The following SEC62 variants were observed in gnomAD, a reference collection of about 807,000 sequenced individuals.
SEC62 encodes the protein SEC62 preprotein translocation factor.
Under a neutral mutation model 47.5 loss-of-function variants are expected in SEC62, and 10 were observed. That is an observed-to-expected ratio of 0.21 (90% confidence interval 0.13 to 0.36). SEC62 has a LOEUF of 0.36. Among genes scored for constraint, SEC62 ranks in the 10% least tolerant of loss-of-function variants. SEC62 has a pLI of 1.00. For missense variants in SEC62, 327 were observed against 464.1 expected, an observed-to-expected ratio of 0.70 and a Z score of 2.71; for synonymous variants, 136 against 150.5, an observed-to-expected ratio of 0.90 and a Z score of 0.71.
intron 1 of SEC62, 38 bp downstream of exon 1, chr3:169,966,896 G>A: frequency 1.3e-6 from 2 of 1,548,912 alleles, no homozygotes; most frequent in Non-Finnish European, 1.7e-6. Context: ...GCTTCGGCGC[G>A]CTGGATAGTG....
At chr3:169,970,916 G>GT (rs1354759123) in intron 1 of SEC62, among the ~76,000 whole-genome samples, 2 of 152,088 alleles carry the variant, frequency 1.3e-5, no homozygotes, top group Non-Finnish European at 2.9e-5. Context: ...AGAGGGGGAG[G>GT]TACTGTAGTC....
chr3:169,985,746 C>T, intron 5 of SEC62, 59 bp from the exon 6 acceptor site: 2 of 1,337,674 alleles, frequency 1.5e-6, no homozygotes, highest in Non-Finnish European at 2.1e-6. Context: ...TAGAATTAAG[C>T]ATTACTTTCT....
chr3:169,969,117 CAACT>C (rs1377708989), intron 1 of SEC62, among the ~76,000 whole-genome samples: 3 of 151,970 alleles, frequency 2.0e-5, no homozygotes, highest in Admixed American at 6.6e-5. Flanking sequence ...TCTGTAATAC[CAACT>C]GAGTTTCTGT....
intron 3 of SEC62, among the ~76,000 whole-genome samples, chr3:169,980,744 G>A (rs1259084248): frequency 6.6e-6 from 1 of 152,132 alleles, no homozygotes; most frequent in African/African-American, 2.4e-5. Context: ...TACTAATAAT[G>A]TTGCTTCGTA....
At chr3:169,986,514 T>C (rs554244637) in intron 6 of SEC62, among the ~76,000 whole-genome samples, 2 of 152,208 alleles carry the variant, frequency 1.3e-5, no homozygotes, top group African/African-American at 2.4e-5. Flanking sequence ...CAAACGTACA[T>C]GTGCAAGGAT....
chr3:169,978,885 A>G (rs1454098550), intron 3 of SEC62, among the ~76,000 whole-genome samples: 1 of 152,224 alleles, frequency 6.6e-6, no homozygotes, highest in Non-Finnish European at 1.5e-5. Flanking sequence ...TGGCAGATCT[A>G]GGGTTCTACA....
intron 5 of SEC62, chr3:169,985,572 C>T (rs1221838384): frequency 5.4e-6 from 2 of 372,068 alleles, no homozygotes; most frequent in Non-Finnish European, 9.6e-6. Flanking sequence ...TAAGAACATA[C>T]AAATTTACTT....
chr3:169,987,995 A>C (rs1337506449), intron 6 of SEC62, among the ~76,000 whole-genome samples: 1 of 152,200 alleles, frequency 6.6e-6, no homozygotes, highest in South Asian at 2.1e-4. Flanking sequence ...ATTTCTACAT[A>C]GCATTTTTTT....
chr3:169,969,425 C>A, intron 1 of SEC62: 1 of 447,288 alleles, frequency 2.2e-6, no homozygotes, highest in Non-Finnish European at 4.5e-6. Context: ...TATAGATTAA[C>A]AATGTGCTGC....
At chr3:169,983,425 A>T (rs980296135) in intron 5 of SEC62, 172 bp downstream of exon 5, 4 of 431,878 alleles carry the variant, frequency 9.3e-6, no homozygotes, top group African/African-American at 8.3e-5. Flanking sequence ...AGATTTTTAA[A>T]AGTCAGATTT....
rs1212721241 is a variant in SEC62 at position 169,979,059 on chromosome 3, G to GT, written c.251+2009dup. 2.6e-5 allele frequency among the ~76,000 whole-genome samples: 4 copies of GT among 152,148 alleles called. 1 individual carries two copies. Among genetic ancestry groups the GT allele is most frequent in the Admixed American group, 2.6e-4 (4 of 15,278 alleles). On this transcript the variant is annotated intron_variant, in intron 3 of 7. Transcript: ENST00000337002. ...ATTTTTTGGCTTTTTAGGAGCCTTG[G>GT]TACCTTGTTATTTGAAAAGCTCAAA...
intron 3 of SEC62, 43 bp downstream of exon 3, chr3:169,977,094 ATTTTC>A: frequency 7.2e-7 from 1 of 1,396,362 alleles, no homozygotes; most frequent in Non-Finnish European, 1.0e-6. Context: ...ATAATTTTAA[ATTTTC>A]TTCATAGTCC....
At position 169,985,883 on chromosome 3, in the gene SEC62, A is replaced by C. The variant is rs2287486; in HGVS notation, c.610+18A>C. 65,000 of 1,572,702 alleles carry C rather than the reference A, an allele frequency of 0.041. 1,721 individuals are homozygous for C. The highest frequency in any genetic ancestry group is 0.13 in the East Asian group (5,981 of 44,462). On this transcript the variant is annotated intron_variant, in intron 6 of 7. Transcript: ENST00000337002. Reference sequence around the variant, plus strand: ...AATTCTTGGTAAGTAGTGAGATGTTAATAGCTATAAAGTGCAATCTAAAAT... The same window carrying C: ...AATTCTTGGTAAGTAGTGAGATGTTCATAGCTATAAAGTGCAATCTAAAAT...
intron 1 of SEC62, among the ~76,000 whole-genome samples, chr3:169,968,031 G>C (rs1300433235): frequency 6.6e-6 from 1 of 152,176 alleles, no homozygotes; most frequent in Non-Finnish European, 1.5e-5. Flanking sequence ...CAGAAATAAA[G>C]TAGTTCCGAA....
Position 169,966,867 on chromosome 3 carries a change from G to T in SEC62, c.36+9G>T. ...ACAAGAAGCGGATCCAGGTAGCAAA[G>T]CCGAGCTCTGGGCAGGGGGCTTCGG... On this transcript the variant is annotated intron_variant, in intron 1 of 7. Transcript: ENST00000337002. 6.4e-7 allele frequency: 1 copy of T among 1,553,132 alleles called. No homozygotes were observed. The highest frequency in any genetic ancestry group is 8.7e-7 in the Non-Finnish European group (1 of 1,147,786).
chr3:169,984,880 TCAAA>T lies in SEC62; in HGVS notation c.550-922_550-919del, dbSNP rs546514706. 3.0e-3 allele frequency among the ~76,000 whole-genome samples: 461 copies of T among 152,280 alleles called. 3 individuals are homozygous for T. Among genetic ancestry groups the T allele is most frequent in the Non-Finnish European group, 4.6e-3 (312 of 68,012 alleles). Reference sequence around the variant, plus strand: ...AAAACTGAGTTTTATGGATGAATGATCAAACAGAGTTCTGATCTGAATGAAGTAA... The same window carrying T: ...AAAACTGAGTTTTATGGATGAATGATCAGAGTTCTGATCTGAATGAAGTAA... On this transcript the variant is annotated intron_variant, in intron 5 of 7. Coordinates refer to ENST00000337002, the MANE Select transcript of SEC62 (RefSeq NM_003262.4).
At chr3:169,989,110 T>C (rs567988430) in intron 7 of SEC62, among the ~76,000 whole-genome samples, 1 of 150,458 alleles carries the variant, frequency 6.6e-6, no homozygotes, top group South Asian at 2.1e-4. Context: ...ATTATTTGTT[T>C]AGAGGCAGGG....
chr3:169,984,918 T>C (rs1340767224), intron 5 of SEC62, among the ~76,000 whole-genome samples: 1 of 152,160 alleles, frequency 6.6e-6, no homozygotes, highest in Non-Finnish European at 1.5e-5. Flanking sequence ...AAATTTCTGT[T>C]GTGTAAAATA....
At chr3:169,982,940 T>C in intron 4 of SEC62, 29 bp downstream of exon 4, 1 of 1,555,534 alleles carries the variant, frequency 6.4e-7, no homozygotes, top group Non-Finnish European at 8.6e-7. Flanking sequence ...AAGTAAAAAT[T>C]TAAAAATCAT....
Sources: allele counts gnomAD v4.1 joint callset (sites outside exome capture counted in the v4.1 genomes callset), GRCh38; gene constraint gnomAD v4.1.1; transcripts MANE v1.5; gene names NCBI Gene and HGNC (gene_info 2026-07-23, HGNC 2026-07-21).